Variants in COLEC10 observed in about 807,000 individuals in gnomAD.
COLEC10 encodes the protein collectin-10.
A neutral mutation model predicts 28.4 loss-of-function variants in COLEC10; 22 were observed. The observed-to-expected ratio is 0.78, with a 90% CI of 0.55 to 1.11. The LOEUF is 1.11. Among genes scored for constraint, COLEC10 ranks in the 50% least tolerant of loss-of-function variants. COLEC10 has a pLI of 0.00. For synonymous variants in COLEC10, 125 were observed against 116.1 expected (o/e 1.08, Z -0.49); for missense variants, 361 against 344.1 (o/e 1.05, Z -0.39).
At chr8:119,004,968 G>T (rs1160233182) in intron 1 of COLEC10, among the ~76,000 whole-genome samples, 3 of 151,984 alleles carry the variant, frequency 2.0e-5, no homozygotes, top group African/African-American at 7.2e-5. Context: ...ACCTTTTGCT[G>T]CCTACAAACT....
the COLEC10 span, among the ~76,000 whole-genome samples, chr8:118,989,566 C>T: frequency 1.5e-3 from 225 of 145,736 alleles, 5 homozygotes; most frequent in East Asian, 0.011. Context: ...CACACACACA[C>T]ACACACACAC....
In COLEC10 at chr8:119,032,684, G is replaced by C. The variant is rs544552447; in HGVS notation, n.235+23131G>C. Among the ~76,000 whole-genome samples the C allele has an allele frequency of 7.6e-4, 115 of 152,240 alleles. 1 individual carries two copies. In the Middle Eastern group the frequency reaches 0.037, roughly 50 times the overall value. The stretch of plus-strand genomic sequence containing the variant: ...TGGGAGGCCCAGGAGGTCGGATCAC[G>C]AGGTCAGGAGATTGAGACCACCCTG... On this transcript the variant is annotated intron_variant and non_coding_transcript_variant, in intron 2 of 6. Transcript: ENST00000521788.
chr8:119,100,793 C>G (rs766958255), intron 3 of COLEC10, among the ~76,000 whole-genome samples: 3 of 152,148 alleles, frequency 2.0e-5, no homozygotes, highest in Non-Finnish European at 4.4e-5. Flanking sequence ...TCATTTCATC[C>G]AAGTACAAGT....
chr8:119,106,383 T>G lies in COLEC10; in HGVS notation c.*192T>G, dbSNP rs772560276. 6 of 570,026 alleles carry G rather than the reference T, an allele frequency of 1.1e-5. No homozygotes were observed. The highest frequency in any genetic ancestry group is 1.8e-5 in the Non-Finnish European group (6 of 328,890). The allele number at this position is 570,026 out of a possible 1,614,324, so 35.3% of individuals were successfully genotyped here. A position where few individuals can be genotyped will look rare whatever the true frequency, so the allele number is the denominator to read the frequency against. ...CATATTTTCACACATGGTATATTAT[T>G]GACCCAATAACTCGCCAGGTTACAT... On this transcript the variant is annotated 3_prime_UTR_variant, in exon 6 of 6. Transcript: ENST00000332843.
At chr8:118,981,108 T>C in the COLEC10 span, among the ~76,000 whole-genome samples, 1 of 152,012 alleles carries the variant, frequency 6.6e-6, no homozygotes, top group Non-Finnish European at 1.5e-5. Flanking sequence ...CAGGTGGTTA[T>C]AACACAATAG....
At chr8:118,958,730 A>G in the COLEC10 span, among the ~76,000 whole-genome samples, 1 of 152,254 alleles carries the variant, frequency 6.6e-6, no homozygotes, top group African/African-American at 2.4e-5. Flanking sequence ...TACCTTGGTT[A>G]ATAATAATAT....
chr8:119,102,605 C>T (rs1011876807), intron 4 of COLEC10: 12 of 486,410 alleles, frequency 2.5e-5, no homozygotes, highest in Middle Eastern at 5.4e-4. Flanking sequence ...GATGATGACA[C>T]GTTTCATCCC....
chr8:119,015,913 C>A (rs926129007), intron 2 of COLEC10, among the ~76,000 whole-genome samples: 2 of 152,150 alleles, frequency 1.3e-5, no homozygotes, highest in East Asian at 3.9e-4. Flanking sequence ...AAGGTAGTAA[C>A]AGCAACTAAC....
At chr8:118,954,570 G>A in the COLEC10 span, among the ~76,000 whole-genome samples, 3 of 152,188 alleles carry the variant, frequency 2.0e-5, no homozygotes, top group African/African-American at 7.2e-5. Context: ...AGAGGCCATC[G>A]GTGACATTAA....
the COLEC10 span, among the ~76,000 whole-genome samples, chr8:118,969,943 C>T: frequency 6.6e-6 from 1 of 151,934 alleles, no homozygotes; most frequent in African/African-American, 2.4e-5. Flanking sequence ...CCCCAACAAA[C>T]CAAGTCCACA....
At chr8:119,065,656 A>C (rs943955821), upstream of COLEC10, among the ~76,000 whole-genome samples, 1 of 152,100 alleles carries the variant, frequency 6.6e-6, no homozygotes. Context: ...CAAGAGTTGG[A>C]GACCAGCCTG....
intron 3 of COLEC10, among the ~76,000 whole-genome samples, chr8:119,100,150 A>C (rs1815795908): frequency 6.6e-6 from 1 of 152,152 alleles, no homozygotes; most frequent in Non-Finnish European, 1.5e-5. Flanking sequence ...TTTTTCAAAC[A>C]CCTTGCTTTT....
intron 2 of COLEC10, among the ~76,000 whole-genome samples, chr8:119,015,758 T>G (rs1813979976): frequency 6.6e-6 from 1 of 152,226 alleles, no homozygotes; most frequent in Non-Finnish European, 1.5e-5. Flanking sequence ...TAGTTTGTCC[T>G]GTACCTGAGA....
intron 1 of COLEC10, among the ~76,000 whole-genome samples, chr8:119,073,297 T>C (rs1815161208): frequency 6.6e-6 from 1 of 152,192 alleles, no homozygotes; most frequent in African/African-American, 2.4e-5. Context: ...TCATTAAGCA[T>C]AAAATGATTA....
At chr8:119,057,864 G>T (rs1389515815) in intron 2 of COLEC10, among the ~76,000 whole-genome samples, 1 of 151,990 alleles carries the variant, frequency 6.6e-6, no homozygotes, top group Non-Finnish European at 1.5e-5. Context: ...ATTAGGACCA[G>T]AAAAGGATAT....
At chr8:119,051,191 T>C (rs547012020) in intron 2 of COLEC10, among the ~76,000 whole-genome samples, 1 of 152,334 alleles carries the variant, frequency 6.6e-6, no homozygotes, top group South Asian at 2.1e-4. Context: ...ATTTTCAAAA[T>C]TGAATAAATA....
In COLEC10 at chr8:119,091,178, G is replaced by A. The variant is rs780599346; in HGVS notation, c.250G>A (p.Asp84Asn). The A allele has an allele frequency of 1.4e-5, 23 of 1,612,878 alleles. No individual in the cohort carries two copies. Among genetic ancestry groups the A allele is most frequent in the South Asian group, 9.9e-5 (9 of 90,892 alleles). The change falls in exon 3 of 6, where the codon GAT becomes AAT. Residue 84 changes from aspartate to asparagine, a missense_variant. Around this residue, in one of 3 missense-constraint regions of COLEC10, gnomAD observed 335 missense variants for 308.5 expected, o/e 1.09. Transcript: ENST00000332843. ...TAAAGGAGAACTGGGTGATATGGGA[G>A]ATCAGGGCAATATTGGCAAGACTGG... ...GIKGELGDMG[D>N]QGNIGKTGPI... is the part of the protein sequence containing the mutation.
At chr8:118,959,783 C>T in the COLEC10 span, among the ~76,000 whole-genome samples, 1 of 152,170 alleles carries the variant, frequency 6.6e-6, no homozygotes, top group Non-Finnish European at 1.5e-5. Context: ...TGTGTTCAGC[C>T]CCATGCCAGA....
chr8:118,958,408 C>T, the COLEC10 span, among the ~76,000 whole-genome samples: 1 of 152,228 alleles, frequency 6.6e-6, no homozygotes, highest in African/African-American at 2.4e-5. Context: ...GTCACACTTG[C>T]ATTTATAAAC....
Sources: gnomAD v4.1 joint callset for allele counts (sites outside exome capture counted in the v4.1 genomes callset) on GRCh38, gnomAD v4.1.1 for gene constraint, gnomAD v4.1.1 regional missense constraint, MANE v1.5 for transcripts, NCBI Gene and HGNC (gene_info 2026-07-23, HGNC 2026-07-21) for gene names.